Variants in ARPP21 observed in about 807,000 individuals in gnomAD.
ARPP21 encodes the protein cAMP regulated phosphoprotein 21.
Under a neutral mutation model 113.2 loss-of-function variants are expected in ARPP21, and 69 were observed. That is an observed-to-expected ratio of 0.61 (90% CI 0.50 to 0.74). The LOEUF (loss-of-function observed/expected upper bound fraction) is 0.74. ARPP21 is among the 30% of genes least tolerant of loss of function. The probability of loss-of-function intolerance (pLI) is 0.00; values close to 1 mark genes in which losing one functional copy is unlikely to be tolerated. For synonymous variants in ARPP21, 368 were observed against 375.5 expected, an observed-to-expected ratio of 0.98 and a Z score of 0.23; for missense variants, 1,070 against 1,037.4, an observed-to-expected ratio of 1.03 and a Z score of -0.43.
Position 35,688,462 on chromosome 3 carries a change from A to G in ARPP21, c.406+579A>G, listed in dbSNP as rs1343935693. Among the ~76,000 whole-genome samples, 3 of 151,626 alleles carry G rather than the reference A, an allele frequency of 2.0e-5. No individual in the cohort carries two copies. The East Asian group carries it at 5.8e-4, about 30-fold the overall frequency. ...TAAATCACTGTGCAAAAAGTCATAC[A>G]TTTACAAACTCAAAACCTACAGTCC... is the stretch of plus-strand genomic sequence containing the variant. On this transcript the variant is annotated intron_variant, in intron 6 of 20. Coordinates refer to ENST00000684406, the MANE Select transcript of ARPP21 (RefSeq NM_001385562.1).
chr3:35,675,615 A>G (rs185469750), intron 1 of ARPP21, among the ~76,000 whole-genome samples: 12 of 152,026 alleles, frequency 7.9e-5, no homozygotes, highest in Admixed American at 2.0e-4. Context: ...TGTCTTTTTC[A>G]GTGAAATATG....
chr3:35,684,014 T>C (rs1420766330), intron 5 of ARPP21, 199 bp downstream of exon 5: 5 of 1,583,532 alleles, frequency 3.2e-6, no homozygotes, highest in South Asian at 2.2e-5. Flanking sequence ...AATTTGTTTT[T>C]TTCCAGACTC....
At chr3:35,675,530 G>T (rs939697495) in intron 1 of ARPP21, among the ~76,000 whole-genome samples, 1 of 151,830 alleles carries the variant, frequency 6.6e-6, no homozygotes, top group African/African-American at 2.4e-5. Context: ...CTCTCATTCA[G>T]ATTATTGACA....
rs1439164701 is a variant in ARPP21 at position 35,667,839 on chromosome 3, TCAAAGAAGAAGAAGAAGAAGAAGA to T, written c.-212-11947_-212-11924del. On this transcript the variant is annotated intron_variant, in intron 1 of 20. Transcript: ENST00000684406. ...AAGATCACCTGCAGTACTTTTATTC[TCAAAGAAGAAGAAGAAGAAGAAGA>T]AGAAGAAGAAGAAGAAGAAGAAGAA... Among the ~76,000 whole-genome samples, 19 of 48,428 alleles carry T rather than the reference TCAAAGAAGAAGAAGAAGAAGAAGA, an allele frequency of 3.9e-4. 2 individuals are homozygous for T. The South Asian group carries it at 0.015, about 39-fold the overall frequency. 31.8% of individuals were successfully genotyped at this position (48,428 alleles called of 152,430 possible). A position where few individuals can be genotyped will look rare whatever the true frequency, so the allele number is the denominator to read the frequency against.
intron 1 of ARPP21, among the ~76,000 whole-genome samples, chr3:35,662,660 C>T (rs374170507): frequency 3.0e-4 from 45 of 152,282 alleles, no homozygotes; most frequent in African/African-American, 1.1e-3. Flanking sequence ...CTAGTACCCT[C>T]TTGATCATTT....
At chr3:35,731,228 A>G (rs779834321) in intron 15 of ARPP21, among the ~76,000 whole-genome samples, 5 of 152,206 alleles carry the variant, frequency 3.3e-5, no homozygotes, top group Non-Finnish European at 5.9e-5. Context: ...TTGTAATGAC[A>G]GCATAGTTGT....
intron 9 of ARPP21, among the ~76,000 whole-genome samples, chr3:35,694,392 A>C (rs2083171516): frequency 6.6e-6 from 1 of 151,494 alleles, no homozygotes; most frequent in Admixed American, 6.6e-5. Context: ...AACATTGCCT[A>C]CAGCTAATTC....
At chr3:35,733,625 A>G (rs1466989059) in intron 15 of ARPP21, among the ~76,000 whole-genome samples, 1 of 152,224 alleles carries the variant, frequency 6.6e-6, no homozygotes, top group Admixed American at 6.5e-5. Flanking sequence ...GGTAGAAATC[A>G]TGGAATATAG....
In ARPP21 at chr3:35,717,352, C is replaced by T. The variant is rs139185498; in HGVS notation, c.990C>T (p.Leu330=). 3 of 1,597,272 alleles carry T rather than the reference C, an allele frequency of 1.9e-6. No homozygotes were observed. Among genetic ancestry groups the T allele is most frequent in the Admixed American group, 1.7e-5 (1 of 59,936 alleles). ...ATGAGACCTATAAGAAAAGACAGCT[C>T]TTTCGGTTGGTATGGTTTACTTTCT... ...ICNETYKKRQ[L]FRGNRDGSGR... The change falls in exon 13 of 21, where the codon CTC becomes CTT. Residue 330 remains leucine, a synonymous_variant. Coordinates refer to ENST00000684406, the MANE Select transcript of ARPP21 (RefSeq NM_001385562.1).
intron 20 of ARPP21, among the ~76,000 whole-genome samples, chr3:35,793,393 A>C (rs1286199660): frequency 6.6e-6 from 1 of 152,212 alleles, no homozygotes; most frequent in Non-Finnish European, 1.5e-5. Flanking sequence ...AGAGAAGGGA[A>C]GGAAACTCAG....
rs1406483118 is a variant in ARPP21, at chr3:35,739,549, G to A, written c.1982G>A (p.Gly661Glu). ...QVLQPPPSPQ[G>E]FVQQPPPAQM... The stretch of plus-strand genomic sequence containing the variant: ...CTCCAGCCCCCTCCCTCACCACAGG[G>A]ATTTGTGCAACAGCCTCCGCCTGCA... The change falls in exon 18 of 21, where the codon GGA becomes GAA. Residue 661 changes from glycine (G) to glutamate (E), a missense_variant. Physicochemically the swap from Gly to Glu is moderately conservative, Grantham distance 98. Coordinates refer to ENST00000684406, the MANE Select transcript of ARPP21 (RefSeq NM_001385562.1). 6.2e-7 allele frequency: 1 copy of A among 1,613,560 alleles called. No homozygotes were observed. The highest frequency in any genetic ancestry group is 8.5e-7 in the Non-Finnish European group (1 of 1,179,766).
chr3:35,716,990 A>G (rs1365418304), intron 12 of ARPP21, among the ~76,000 whole-genome samples: 2 of 151,964 alleles, frequency 1.3e-5, no homozygotes, highest in Non-Finnish European at 2.9e-5. Flanking sequence ...ATATTACTCT[A>G]AAAAATCACT....
chr3:35,641,387 C>T (rs1286300666), intron 1 of ARPP21: 2 of 152,138 alleles, frequency 1.3e-5, no homozygotes, highest in African/African-American at 2.4e-5. Flanking sequence ...TTTAAGTAAA[C>T]AGAGAAGTGG....
chr3:35,767,652 C>T (rs2096030502), intron 19 of ARPP21, among the ~76,000 whole-genome samples: 2 of 152,122 alleles, frequency 1.3e-5, no homozygotes, highest in South Asian at 2.1e-4. Context: ...ATTCTGTCTG[C>T]ATTTATTAAC....
At chr3:35,774,627 T>C (rs1021115655) in intron 19 of ARPP21, among the ~76,000 whole-genome samples, 11 of 152,176 alleles carry the variant, frequency 7.2e-5, no homozygotes, top group African/African-American at 2.7e-4. Context: ...GAATTAAGGA[T>C]TTTCAATTCT....
intron 19 of ARPP21, among the ~76,000 whole-genome samples, chr3:35,775,370 T>C (rs1240622028): frequency 6.6e-6 from 1 of 152,188 alleles, no homozygotes; most frequent in Non-Finnish European, 1.5e-5. Flanking sequence ...TTTCACTGTG[T>C]TTATAAAAAT....
chr3:35,783,982 A>G (rs536140698), intron 19 of ARPP21, among the ~76,000 whole-genome samples: 20 of 152,260 alleles, frequency 1.3e-4, no homozygotes, highest in Non-Finnish European at 2.6e-4. Context: ...ACCTCCTGGA[A>G]GCTTTCCACT....
chr3:35,769,057 A>G (rs964260766), intron 19 of ARPP21, among the ~76,000 whole-genome samples: 1 of 151,628 alleles, frequency 6.6e-6, no homozygotes, highest in Admixed American at 6.6e-5. Context: ...TTTCTCTCTC[A>G]CTCTCTGTCT....
intron 1 of ARPP21, among the ~76,000 whole-genome samples, chr3:35,679,219 A>G (rs182922659): frequency 6.6e-6 from 1 of 152,084 alleles, no homozygotes; most frequent in East Asian, 1.9e-4. Context: ...AACTATAAGT[A>G]GAGAGAAAAG....
Sources: allele counts gnomAD v4.1 joint callset (sites outside exome capture counted in the v4.1 genomes callset), GRCh38; gene constraint gnomAD v4.1.1; transcripts MANE v1.5; gene names NCBI Gene and HGNC (gene_info 2026-07-23, HGNC 2026-07-21).